The following SLC13A3 variants were observed in gnomAD, a reference collection of about 807,000 sequenced individuals.
SLC13A3 encodes solute carrier family 13 member 3.
Under a neutral mutation model 59.0 loss-of-function variants are expected in SLC13A3, and 40 were observed. The ratio of observed to expected loss-of-function variants is 0.68; its 90% CI spans 0.53 to 0.88. SLC13A3 has a LOEUF of 0.88. Ranked by LOEUF, SLC13A3 falls within the 40% of genes least tolerant of loss-of-function variation. SLC13A3 has a pLI of 0.00. For synonymous variants in SLC13A3, 317 were observed against 330.3 expected (o/e 0.96, Z 0.44); for missense variants, 699 against 783.2 (o/e 0.89, Z 1.28).
intron 2 of SLC13A3, among the ~76,000 whole-genome samples, chr20:46,612,493 C>T (rs930601702): frequency 1.3e-5 from 2 of 151,958 alleles, no homozygotes; most frequent in African/African-American, 2.4e-5. Context: ...GAAATATCAT[C>T]GACACTCAAA....
At chr20:46,658,870 T>C (rs2063010288) in intron 1 of SLC13A3, among the ~76,000 whole-genome samples, 2 of 152,228 alleles carry the variant, frequency 1.3e-5, no homozygotes, top group African/African-American at 4.8e-5. Context: ...GATTGTTATG[T>C]CTTTATTGGT....
At chr20:46,611,134 AC>A (rs1793859115) in intron 2 of SLC13A3, among the ~76,000 whole-genome samples, 1 of 152,138 alleles carries the variant, frequency 6.6e-6, no homozygotes, top group African/African-American at 2.4e-5. Flanking sequence ...CCTGGAATTT[AC>A]TTAGATGCAT....
rs1989543 is a variant in SLC13A3, at chr20:46,597,658, A to T, written c.609-1316T>A. On this transcript the variant is annotated intron_variant, in intron 4 of 12. Coordinates refer to ENST00000279027, the MANE Select transcript of SLC13A3 (RefSeq NM_022829.6). ...CACCATGTTGGCCTGGCTGGTCTCG[A>T]ACTCCTCACCTCAGGTAATCTGCCC... Among the ~76,000 whole-genome samples the T allele has an allele frequency of 3.3e-3, 500 of 152,254 alleles. 2 individuals carry two copies. Among genetic ancestry groups the T allele is most frequent in the African/African-American group, 0.012 (478 of 41,536 alleles).
intron 5 of SLC13A3, among the ~76,000 whole-genome samples, chr20:46,595,809 T>C (rs137881185): frequency 4.1e-4 from 63 of 152,254 alleles, no homozygotes; most frequent in African/African-American, 1.5e-3. Flanking sequence ...CCCTTCTAGG[T>C]CTCTGCTCAA....
chr20:46,638,181 CGG>C (rs1432442685), intron 1 of SLC13A3, among the ~76,000 whole-genome samples: 1 of 152,088 alleles, frequency 6.6e-6, no homozygotes, highest in Non-Finnish European at 1.5e-5. Flanking sequence ...CCCATACCTG[CGG>C]CTGGGCACTC....
At chr20:46,572,078 T>C (rs112804191) in intron 10 of SLC13A3, among the ~76,000 whole-genome samples, 2 of 152,238 alleles carry the variant, frequency 1.3e-5, no homozygotes, top group African/African-American at 4.8e-5. Context: ...AGGAGAAAAC[T>C]GTAGTGAGGA....
intron 3 of SLC13A3, 140 bp downstream of exon 3, chr20:46,610,306 T>C (rs1457846715): frequency 1.3e-6 from 1 of 797,566 alleles, no homozygotes; most frequent in Non-Finnish European, 2.0e-6. Context: ...TATCAGTCAT[T>C]GTCATAACTA....
At chr20:46,568,758 TAG>T (rs1187660141) in intron 10 of SLC13A3, among the ~76,000 whole-genome samples, 1 of 152,026 alleles carries the variant, frequency 6.6e-6, no homozygotes, top group East Asian at 1.9e-4. Flanking sequence ...GGAGAGGGGC[TAG>T]AGAGAGGGAA....
chr20:46,630,098 T>C (rs754368367), intron 1 of SLC13A3, among the ~76,000 whole-genome samples: 31 of 152,198 alleles, frequency 2.0e-4, no homozygotes, highest in Non-Finnish European at 3.4e-4. Context: ...CTCATCAACA[T>C]GGACCCAGAA....
chr20:46,608,651 C>T lies in SLC13A3; in HGVS notation c.541+1795G>A, dbSNP rs371343450. 943 of 427,238 alleles carry T rather than the reference C, an allele frequency of 2.2e-3. 1 individual carries two copies. Among genetic ancestry groups the T allele is most frequent in the Non-Finnish European group, 3.0e-3 (742 of 244,962 alleles). The allele number at this position is 427,238 out of a possible 1,614,324, so 26.5% of individuals were successfully genotyped here. A position where few individuals can be genotyped will look rare whatever the true frequency, so the allele number is the denominator to read the frequency against. On this transcript the variant is annotated intron_variant, in intron 3 of 12. Coordinates refer to ENST00000279027, the MANE Select transcript of SLC13A3 (RefSeq NM_022829.6). The stretch of plus-strand genomic sequence containing the variant: ...ATAAGCAGGACCCCTTAGTGTATGA[C>T]GGGGAAATACTCATGTGACTGTCAG...
At chr20:46,664,378 T>A (rs2063050318) in intron 1 of SLC13A3, among the ~76,000 whole-genome samples, 1 of 152,198 alleles carries the variant, frequency 6.6e-6, no homozygotes, top group Admixed American at 6.5e-5. Flanking sequence ...TGGTCTATGT[T>A]AGATGCCTTG....
intron 5 of SLC13A3, among the ~76,000 whole-genome samples, chr20:46,594,531 C>T (rs745773077): frequency 9.2e-5 from 14 of 152,024 alleles, no homozygotes; most frequent in Middle Eastern, 3.2e-3. Context: ...GCCTACCTTC[C>T]CCCTTGGCAG....
intron 1 of SLC13A3, among the ~76,000 whole-genome samples, chr20:46,648,189 T>C (rs1264997809): frequency 1.3e-5 from 2 of 152,058 alleles, no homozygotes; most frequent in Non-Finnish European, 1.5e-5. Flanking sequence ...CTTTAACCCA[T>C]GTCCCGTTTT....
intron 2 of SLC13A3, among the ~76,000 whole-genome samples, chr20:46,611,227 G>A (rs757494275): frequency 2.6e-5 from 4 of 152,034 alleles, no homozygotes; most frequent in South Asian, 2.1e-4. Context: ...TCCTTCCTTC[G>A]GATTTGGGTT....
At chr20:46,600,604 A>G (rs2062370774) in intron 3 of SLC13A3, 1 of 465,876 alleles carries the variant, frequency 2.1e-6, no homozygotes, top group African/African-American at 2.0e-5. Context: ...AGCCATTGCC[A>G]AAGTTGTGAA....
Position 46,676,785 on chromosome 20 carries a change from T to TG in SLC13A3, c.-31+7610dup, listed in dbSNP as rs533048911. ...CTGAGATTTAATAGAATTCCTGGGCTGCGTGGAAACAGTGGGGACGACGGC... is the reference window on the plus strand; with the variant it reads ...CTGAGATTTAATAGAATTCCTGGGCTGGCGTGGAAACAGTGGGGACGACGGC... On this transcript the variant is annotated intron_variant, in intron 1 of 6. Coordinates refer to the SLC13A3 transcript ENST00000372121. Among the ~76,000 whole-genome samples, 317 of 152,188 alleles carry TG rather than the reference T, an allele frequency of 2.1e-3. 2 individuals are homozygous for TG. Among genetic ancestry groups the TG allele is most frequent in the Non-Finnish European group, 2.0e-3 (139 of 68,008 alleles).
chr20:46,606,139 C>T lies in SLC13A3; in HGVS notation c.541+4307G>A, dbSNP rs76065522. Among the ~76,000 whole-genome samples the T allele has an allele frequency of 2.0e-4, 30 of 152,260 alleles. No individual in the cohort carries two copies. In the East Asian group the frequency reaches 5.4e-3, roughly 27 times the overall value. ...ATGAGAAAGACTGATAGGCCCTTCA[C>T]GGAGCTTGGAACCTGTGGAGGAGAC... On this transcript the variant is annotated intron_variant, in intron 3 of 12. Coordinates refer to ENST00000279027, the MANE Select transcript of SLC13A3 (RefSeq NM_022829.6).
chr20:46,611,252 T>C (rs2062491052), intron 2 of SLC13A3, among the ~76,000 whole-genome samples: 1 of 152,208 alleles, frequency 6.6e-6, no homozygotes. Context: ...ATAGATTTAT[T>C]CTGTTTCAAA....
intron 3 of SLC13A3, chr20:46,608,727 C>T (rs1283163624): frequency 1.4e-5 from 12 of 875,892 alleles, no homozygotes; most frequent in Admixed American, 3.0e-5. Flanking sequence ...TTAACAGATA[C>T]GTATTTAATT....
Sources: allele counts gnomAD v4.1 joint callset (sites outside exome capture counted in the v4.1 genomes callset), GRCh38; gene constraint gnomAD v4.1.1; transcripts MANE v1.5; gene names NCBI Gene and HGNC (gene_info 2026-07-23, HGNC 2026-07-21).